PCDH11Y: variants seen among roughly 807,000 people sequenced by gnomAD.
PCDH11Y encodes protocadherin-11 Y-linked.
For missense variants in PCDH11Y, 12 were observed against 224.8 expected, an observed-to-expected ratio of 0.05 and a Z score of 6.05; for synonymous variants, 9 against 83.6, an observed-to-expected ratio of 0.11 and a Z score of 4.87.
chrY:5,163,195 T>A (rs2052875996), intron 2 of PCDH11Y, among the ~76,000 whole-genome samples: 1 of 31,612 alleles, frequency 3.2e-5, no homozygotes. Context: ...TGGAGGGCTG[T>A]CTTTAAAGTG....
At position 5,715,540 on chromosome Y, in the gene PCDH11Y, A is replaced by G. The variant is rs2124713488; in HGVS notation, c.3353-21732A>G. ...AAGAAATGGATAAATTTCTGGGCAC[A>G]TGCCATCTACCAAGATTAAACCATG... On this transcript the variant is annotated intron_variant, in intron 4 of 4. Transcript: ENST00000400457. 1.5e-4 allele frequency among the ~76,000 whole-genome samples: 5 copies of G among 33,892 alleles called. No homozygotes were observed. In the South Asian group the frequency reaches 3.2e-3, roughly 22 times the overall value. The allele number at this position is 33,892 out of a possible 37,273, so 90.9% of individuals were successfully genotyped here.
intron 2 of PCDH11Y, among the ~76,000 whole-genome samples, chrY:5,296,556 C>T: frequency 9.2e-5 from 3 of 32,663 alleles, no homozygotes; most frequent in Non-Finnish European, 1.5e-4. Context: ...TATTCTACTG[C>T]GGCTAAGCTT....
At chrY:5,318,125 A>G (rs2053108995) in intron 2 of PCDH11Y, among the ~76,000 whole-genome samples, 2 of 33,022 alleles carry the variant, frequency 6.1e-5, no homozygotes, top group African/African-American at 2.4e-4. Flanking sequence ...CCCTAAGGAA[A>G]TTACCTTTAT....
intron 4 of PCDH11Y, among the ~76,000 whole-genome samples, chrY:5,586,358 G>A (rs2053455983): frequency 3.1e-5 from 1 of 32,057 alleles, no homozygotes; most frequent in East Asian, 8.2e-4. Flanking sequence ...TTCTTTTTGT[G>A]GCAAATGTGA....
chrY:5,240,277 T>G, intron 2 of PCDH11Y, among the ~76,000 whole-genome samples: 1 of 33,534 alleles, frequency 3.0e-5, no homozygotes, highest in Non-Finnish European at 7.4e-5. Context: ...CTACAGTGGC[T>G]TCCTTCAATG....
chrY:5,060,747 G>A (rs34678938), intron 1 of PCDH11Y, among the ~76,000 whole-genome samples: 3 of 30,047 alleles, frequency 1.0e-4, no homozygotes, highest in East Asian at 8.8e-4. Context: ...AAGACTGGGC[G>A]CAGTAGCTCA....
At chrY:5,224,862 C>A in intron 2 of PCDH11Y, among the ~76,000 whole-genome samples, 1 of 33,090 alleles carries the variant, frequency 3.0e-5, no homozygotes, top group Non-Finnish European at 7.4e-5. Context: ...GGACTGGGTT[C>A]TGGTTAACCG....
intron 4 of PCDH11Y, among the ~76,000 whole-genome samples, chrY:5,597,349 G>GTATATA (rs2053468429): frequency 8.6e-5 from 1 of 11,569 alleles, no homozygotes; most frequent in Non-Finnish European, 1.4e-4. Flanking sequence ...GTATATATAT[G>GTATATA]TGTGTATATA....
At chrY:5,021,241 T>G in intron 1 of PCDH11Y, among the ~76,000 whole-genome samples, 1 of 33,284 alleles carries the variant, frequency 3.0e-5, no homozygotes, top group Non-Finnish European at 7.4e-5. Context: ...AAGGTTTTTG[T>G]GGCTGGTTGC....
intron 3 of PCDH11Y, among the ~76,000 whole-genome samples, chrY:5,578,199 T>G: frequency 2.9e-5 from 1 of 33,941 alleles, no homozygotes; most frequent in African/African-American, 1.1e-4. Context: ...ACTGCTACAG[T>G]ATATTAGTTT....
chrY:5,201,823 T>C, intron 2 of PCDH11Y, among the ~76,000 whole-genome samples: 1 of 33,678 alleles, frequency 3.0e-5, no homozygotes, highest in Non-Finnish European at 7.4e-5. Flanking sequence ...GTTTATTTTG[T>C]GTTTTTGCCC....
chrY:5,014,448 G>C (rs2124618878), intron 1 of PCDH11Y, among the ~76,000 whole-genome samples: 1 of 32,819 alleles, frequency 3.0e-5, no homozygotes, highest in East Asian at 7.8e-4. Context: ...CCTGGCTTTA[G>C]TAATTTAAAA....
At chrY:5,108,712 A>C (rs2124638548), downstream of PCDH11Y, among the ~76,000 whole-genome samples, 2 of 23,847 alleles carry the variant, frequency 8.4e-5, no homozygotes, top group South Asian at 1.1e-3. Context: ...GCGCCACTGC[A>C]CTCCAGCCTG....
chrY:5,352,778 C>T (rs2124670467), intron 2 of PCDH11Y, among the ~76,000 whole-genome samples: 3 of 33,037 alleles, frequency 9.1e-5, no homozygotes, highest in East Asian at 7.9e-4. Context: ...GCTTTACAAA[C>T]GTAAAACAGT....
At chrY:5,249,138 C>T (rs2053001041) in intron 2 of PCDH11Y, among the ~76,000 whole-genome samples, 8 of 31,743 alleles carry the variant, frequency 2.5e-4, no homozygotes, top group Admixed American at 8.9e-4. Context: ...ATCGTGAAAA[C>T]GGCCATACTG....
intron 2 of PCDH11Y, among the ~76,000 whole-genome samples, chrY:5,495,683 A>C: frequency 3.0e-5 from 1 of 32,983 alleles, no homozygotes; most frequent in Non-Finnish European, 7.4e-5. Flanking sequence ...TTGTATAAGT[A>C]ATTCTAATGA....
chrY:5,654,381 TATATACCCAAAGGA>T (rs2053534602), intron 4 of PCDH11Y, among the ~76,000 whole-genome samples: 5 of 33,678 alleles, frequency 1.5e-4, no homozygotes, highest in Admixed American at 5.4e-4. Flanking sequence ...CAGTACTGGG[TATATACCCAAAGGA>T]ATATAGATAA....
chrY:5,384,302 C>A, intron 2 of PCDH11Y, among the ~76,000 whole-genome samples: 1 of 30,917 alleles, frequency 3.2e-5, no homozygotes, highest in Non-Finnish European at 7.8e-5. Flanking sequence ...AAAAATTCAA[C>A]ATGTATTGAA....
At chrY:5,358,341 C>A (rs2053170379) in intron 2 of PCDH11Y, among the ~76,000 whole-genome samples, 7 of 33,905 alleles carry the variant, frequency 2.1e-4, no homozygotes, top group Non-Finnish European at 1.5e-4. Context: ...AAAAAATACA[C>A]ATGTATTCTG....
Sources: allele counts gnomAD v4.1 joint callset (sites outside exome capture counted in the v4.1 genomes callset), GRCh38; gene constraint gnomAD v4.1.1; transcripts MANE v1.5; gene names NCBI Gene and HGNC (gene_info 2026-07-23, HGNC 2026-07-21).